Variants in CENPN observed in about 807,000 individuals in gnomAD.
CENPN encodes centromere protein N.
Under a neutral mutation model 48.6 loss-of-function variants are expected in CENPN, and 36 were observed. That is an observed-to-expected ratio of 0.74 (90% CI 0.57 to 0.98). The LOEUF (loss-of-function observed/expected upper bound fraction) is 0.98, where lower values mean the gene tolerates loss of function less well. Among genes scored for constraint, CENPN ranks in the 50% least tolerant of loss-of-function variants. The pLI, the probability that CENPN is intolerant of heterozygous loss-of-function variation, is 0.00. For missense variants in CENPN, 439 were observed against 399.2 expected (o/e 1.10, Z -0.85); for synonymous variants, 166 against 135.2 (o/e 1.23, Z -1.58).
At chr16:81,007,310 C>T (rs1203399191) in intron 1 of CENPN, 33 bp downstream of exon 1, 1 of 152,706 alleles carries the variant, frequency 6.5e-6, no homozygotes, top group African/African-American at 2.4e-5. Flanking sequence ...TGGATCGGGC[C>T]CCGGAGGGTG....
Position 81,017,842 on chromosome 16 carries a change from TA to T in CENPN, c.354+12del. 1 of 1,449,840 alleles carries T rather than the reference TA, an allele frequency of 6.9e-7. No homozygotes were observed. Among genetic ancestry groups the T allele is most frequent in the Non-Finnish European group, 9.5e-7 (1 of 1,048,542 alleles). The allele number at this position is 1,449,840 out of a possible 1,614,324, so 89.8% of individuals were successfully genotyped here. On this transcript the variant is annotated intron_variant, in intron 5 of 10. Transcript: ENST00000305850. Reference sequence around the variant, plus strand: ...CAGAGAGCATTAAAAAATGTAAGAATAAAATTCATCTTTTACATAAAATTCA... The same window carrying T: ...CAGAGAGCATTAAAAAATGTAAGAATAAATTCATCTTTTACATAAAATTCA...
chr16:81,025,316 C>G (rs994408879), intron 8 of CENPN, among the ~76,000 whole-genome samples: 2 of 151,930 alleles, frequency 1.3e-5, no homozygotes, highest in African/African-American at 2.4e-5. Flanking sequence ...ACTAGAAAAC[C>G]CAAGAGAAAA....
chr16:81,026,566 G>C lies in CENPN; in HGVS notation c.738G>C (p.Glu246Asp). The C allele has an allele frequency of 1.2e-6, 2 of 1,607,198 alleles. No homozygotes were observed. The highest frequency in any genetic ancestry group is 8.5e-7 in the Non-Finnish European group (1 of 1,175,112). Reference protein sequence around the residue: ...RIIHENIVEKERVQRITQETF... With the variant: ...RIIHENIVEKDRVQRITQETF... ...TTCATGAAAACATAGTAGAAAAAGA[G>C]AGAGTCCAACGAATAACTCAAGAAA... is the stretch of plus-strand genomic sequence containing the variant. The change falls in exon 9 of 11, where the codon GAG becomes GAC. Residue 246 changes from glutamate to aspartate, a missense_variant. Physicochemically the swap from Glu to Asp is conservative, Grantham distance 45 (BLOSUM62 2). Coordinates refer to ENST00000305850, the MANE Select transcript of CENPN (RefSeq NM_001100624.3).
At chr16:81,019,913 T>TA (rs199558777) in intron 5 of CENPN, among the ~76,000 whole-genome samples, 187 bp from the exon 6 acceptor site, 2 of 149,850 alleles carry the variant, frequency 1.3e-5, no homozygotes, top group African/African-American at 4.9e-5. Context: ...TTTTTTTTTT[T>TA]TAAAATCACA....
At position 81,030,809 on chromosome 16, in the gene CENPN, G is replaced by A. The variant is rs1970738909; in HGVS notation, c.*2158G>A. The stretch of plus-strand genomic sequence containing the variant: ...GCCTATAATCCCAGCACTTTCAGAG[G>A]CCAAGGCAGGTGGGTCACAAGGTCA... On this transcript the variant is annotated 3_prime_UTR_variant, in exon 11 of 11. Coordinates refer to ENST00000305850, the MANE Select transcript of CENPN (RefSeq NM_001100624.3). The A allele has an allele frequency of 6.6e-6, 1 of 151,944 alleles. No homozygotes were observed. Among genetic ancestry groups the A allele is most frequent in the Non-Finnish European group, 1.5e-5 (1 of 68,054 alleles). 9.4% of individuals were successfully genotyped at this position (151,944 alleles called of 1,614,324 possible).
chr16:81,010,224 G>A lies in CENPN; in HGVS notation c.-10-1706G>A, dbSNP rs78335439. ...AATGAAAAAAATAAATAAATATCAT[G>A]TTTGCTTGCTTTTTTGTTCTGTATT... On this transcript the variant is annotated intron_variant, in intron 1 of 10. Coordinates refer to ENST00000305850, the MANE Select transcript of CENPN (RefSeq NM_001100624.3). 9.8e-3 allele frequency among the ~76,000 whole-genome samples: 1,497 copies of A among 152,206 alleles called. 21 individuals are homozygous for A. Among genetic ancestry groups the A allele is most frequent in the African/African-American group, 0.034 (1,394 of 41,524 alleles).
At chr16:81,026,312 A>G (rs536044618) in intron 8 of CENPN, among the ~76,000 whole-genome samples, 105 of 151,924 alleles carry the variant, frequency 6.9e-4, no homozygotes, top group African/African-American at 2.4e-3. Context: ...TCTGGGTGGT[A>G]GAATTATGAT....
chr16:81,018,544 T>C (rs1381436863), intron 5 of CENPN, among the ~76,000 whole-genome samples: 1 of 152,212 alleles, frequency 6.6e-6, no homozygotes, highest in Non-Finnish European at 1.5e-5. Flanking sequence ...GTAGTTCCAG[T>C]AATAGTCAGT....
chr16:81,022,119 A>G (rs910785092), intron 6 of CENPN, among the ~76,000 whole-genome samples: 1 of 152,206 alleles, frequency 6.6e-6, no homozygotes, highest in African/African-American at 2.4e-5. Context: ...CAGGTTAAAC[A>G]TCTTATCCTA....
At chr16:81,027,306 C>CA (rs1488537286) in intron 9 of CENPN, among the ~76,000 whole-genome samples, 1 of 152,074 alleles carries the variant, frequency 6.6e-6, no homozygotes, top group African/African-American at 2.4e-5. Context: ...GCCTGGGCGA[C>CA]ACAGCAAAAC....
In CENPN at chr16:81,028,625, A is replaced by T. The variant is rs373383356; in HGVS notation, c.994A>T (p.Asn332Tyr). 1.9e-5 allele frequency: 31 copies of T among 1,611,876 alleles called. No individual in the cohort carries two copies. Among genetic ancestry groups the T allele is most frequent in the African/African-American group, 2.7e-5 (2 of 74,664 alleles). ...LLTCIPNKRM[N>Y]YFKIRDK Reference sequence around the variant, plus strand: ...CACTTGCATACCCAACAAGAGAATGAATTATTTTAAAATTAGAGATAAATA... The same window carrying T: ...CACTTGCATACCCAACAAGAGAATGTATTATTTTAAAATTAGAGATAAATA... The change falls in exon 11 of 11, where the codon AAT (asparagine) becomes TAT (tyrosine). Residue 332 changes from asparagine (N) to tyrosine (Y), a missense_variant. Coordinates refer to ENST00000305850, the MANE Select transcript of CENPN (RefSeq NM_001100624.3).
downstream of CENPN, chr16:81,032,906 C>G: frequency 2.3e-6 from 1 of 440,134 alleles, no homozygotes; most frequent in Non-Finnish European, 4.0e-6. Context: ...GTGCTTCTAG[C>G]TCTAAGGGGA....
At chr16:81,016,372 C>G (rs904890668) in intron 3 of CENPN, among the ~76,000 whole-genome samples, 11 of 152,194 alleles carry the variant, frequency 7.2e-5, no homozygotes, top group Non-Finnish European at 1.6e-4. Context: ...TTATGCCACG[C>G]AGTTAAGTTT....
intron 1 of CENPN, 73 bp from the exon 2 acceptor site, chr16:81,011,857 G>A: frequency 8.1e-7 from 1 of 1,239,622 alleles, no homozygotes; most frequent in Non-Finnish European, 1.2e-6. Context: ...ATGTGTATGT[G>A]TATGTGTAAA....
chr16:81,019,244 T>G (rs559976718), intron 5 of CENPN, among the ~76,000 whole-genome samples: 1 of 152,240 alleles, frequency 6.6e-6, no homozygotes, highest in South Asian at 2.1e-4. Flanking sequence ...GGAAACGTGG[T>G]CTCACTCTGT....
At chr16:81,016,558 T>A (rs1193208463) in intron 3 of CENPN, among the ~76,000 whole-genome samples, 1 of 152,176 alleles carries the variant, frequency 6.6e-6, no homozygotes, top group Non-Finnish European at 1.5e-5. Flanking sequence ...GGTCAGGAGT[T>A]CGACACTAAC....
chr16:81,028,177 A>G lies in CENPN; in HGVS notation c.817A>G (p.Thr273Ala), dbSNP rs773400028. ...TATAAATGTTTGTTGACAGCTTGAA[A>G]CGAAATTCAAAAGTGGTTTAAATGG... ...QLEFAQYKLETKFKSGLNGSI... is the reference protein window; with the variant it reads ...QLEFAQYKLEAKFKSGLNGSI... The change falls in exon 10 of 11, where the codon ACG (threonine) becomes GCG (alanine). Residue 273 changes from threonine to alanine, a missense_variant. Physicochemically the swap from Thr to Ala is moderately conservative, Grantham distance 58 (BLOSUM62 0). Coordinates refer to ENST00000305850, the MANE Select transcript of CENPN (RefSeq NM_001100624.3). The G allele has an allele frequency of 4.3e-6, 7 of 1,609,642 alleles. No individual in the cohort carries two copies. Among genetic ancestry groups the G allele is most frequent in the Non-Finnish European group, 5.1e-6 (6 of 1,175,916 alleles).
downstream of CENPN, chr16:81,032,842 GATGTGC>G: frequency 1.2e-6 from 1 of 833,624 alleles, no homozygotes. Flanking sequence ...TGGAAGCTTG[GATGTGC>G]ACTGACTTGA....
At position 81,025,805 on chromosome 16, in the gene CENPN, C is replaced by T. The variant is rs554889495; in HGVS notation, c.698-721C>T. Among the ~76,000 whole-genome samples, 475 of 149,934 alleles carry T rather than the reference C, an allele frequency of 3.2e-3. 4 individuals carry two copies. Among genetic ancestry groups the T allele is most frequent in the African/African-American group, 0.011 (448 of 40,556 alleles). On this transcript the variant is annotated intron_variant, in intron 8 of 10. Transcript: ENST00000305850. ...GCAACCTCTGCTTCCCAGGTTCAAG[C>T]GATTCTCTTTCCTCAGCCTCCCAAC...
Sources: gnomAD v4.1 joint callset for allele counts (sites outside exome capture counted in the v4.1 genomes callset) on GRCh38, gnomAD v4.1.1 for gene constraint, MANE v1.5 for transcripts, NCBI Gene and HGNC (gene_info 2026-07-23, HGNC 2026-07-21) for gene names.